The following CCND3 variants were observed in gnomAD, a reference collection of about 807,000 sequenced individuals.
CCND3 encodes the protein cyclin D3.
Under a neutral mutation model 28.7 loss-of-function variants are expected in CCND3, and 9 were observed. That is an observed-to-expected ratio of 0.31 (90% CI 0.19 to 0.55). The LOEUF is 0.55. Ranked by LOEUF, CCND3 falls within the 20% of genes least tolerant of loss-of-function variation. The probability of loss-of-function intolerance (pLI) is 0.93; values close to 1 mark genes in which losing one functional copy is unlikely to be tolerated. For synonymous variants in CCND3, 164 were observed against 163.9 expected, an observed-to-expected ratio of 1.00 and a Z score of 0.00; for missense variants, 315 against 385.8, an observed-to-expected ratio of 0.82 and a Z score of 1.54.
At chr6:42,044,956 C>CTTTTTTTTTTTTT (rs1562002036) in intron 1 of CCND3, among the ~76,000 whole-genome samples, 1 of 123,952 alleles carries the variant, frequency 8.1e-6, no homozygotes, top group African/African-American at 3.1e-5. Flanking sequence ...GCCCGGCTAA[C>CTTTTTTTTTTTTT]GTTTTTTTTT....
intron 1 of CCND3, among the ~76,000 whole-genome samples, chr6:42,016,509 G>A (rs1763517007): frequency 6.6e-6 from 1 of 151,976 alleles, no homozygotes; most frequent in East Asian, 1.9e-4. Context: ...AAGTATTAGT[G>A]AGAAAGTAGA....
intron 1 of CCND3, among the ~76,000 whole-genome samples, chr6:42,035,715 T>C (rs1764184832): frequency 6.7e-6 from 1 of 148,656 alleles, no homozygotes; most frequent in South Asian, 2.1e-4. Context: ...TCTCACTCTG[T>C]CTCCCAGGCC....
At chr6:41,988,751 T>G (rs1054943142) in intron 1 of CCND3, among the ~76,000 whole-genome samples, 69 of 139,954 alleles carry the variant, frequency 4.9e-4, no homozygotes, top group Non-Finnish European at 8.7e-4. Context: ...CAGGCTGGAG[T>G]GCAGTGGCGC....
At position 41,951,351 on chromosome 6, in the gene CCND3, G is replaced by A. The variant is rs554223040; in HGVS notation, c.-45-10766C>T. 1.5e-4 allele frequency among the ~76,000 whole-genome samples: 23 copies of A among 151,690 alleles called. 1 individual carries two copies. In the South Asian group the frequency reaches 3.8e-3, roughly 25 times the overall value. On this transcript the variant is annotated intron_variant, in intron 1 of 4. Transcript: ENST00000372988. ...TGGGTGGATCCGAAGTCAAGAGATC[G>A]AGACCAACCTGGCCAATATGGTGAA...
chr6:42,006,000 CA>C (rs374179259), intron 1 of CCND3, among the ~76,000 whole-genome samples: 15 of 149,750 alleles, frequency 1.0e-4, no homozygotes, highest in East Asian at 9.7e-4. Flanking sequence ...CATTTCTACA[CA>C]AAAAATTTTT....
chr6:42,038,349 C>T (rs538337758), intron 1 of CCND3, among the ~76,000 whole-genome samples: 1 of 151,722 alleles, frequency 6.6e-6, no homozygotes, highest in East Asian at 1.9e-4. Context: ...GACCAGCCTG[C>T]GCAACATGGC....
rs1269898086 is a variant in CCND3 at position 41,953,953 on chromosome 6, A to T, written c.-45-13368T>A. 7.9e-5 allele frequency among the ~76,000 whole-genome samples: 12 copies of T among 151,858 alleles called. 1 individual carries two copies. The highest frequency in any genetic ancestry group is 1.5e-4 in the Non-Finnish European group (10 of 67,908). On this transcript the variant is annotated intron_variant, in intron 1 of 4. Coordinates refer to the CCND3 transcript ENST00000372988. ...TTTGAAAAAAAAATAAATCTCATTTAAAAAAAATTTTTGGTGGCCGGGGGC... is the reference window on the plus strand; with the variant it reads ...TTTGAAAAAAAAATAAATCTCATTTTAAAAAAATTTTTGGTGGCCGGGGGC...
chr6:41,956,277 G>A (rs1020479652), intron 1 of CCND3, among the ~76,000 whole-genome samples: 11 of 152,068 alleles, frequency 7.2e-5, no homozygotes, highest in Non-Finnish European at 1.6e-4. Flanking sequence ...GGGCGACAGA[G>A]CGAGACTCCT....
intron 1 of CCND3, among the ~76,000 whole-genome samples, chr6:42,024,973 G>A (rs1222978995): frequency 1.3e-5 from 2 of 152,112 alleles, no homozygotes; most frequent in East Asian, 1.9e-4. Flanking sequence ...CAGGAGAATC[G>A]CTCGAACCCA....
chr6:42,045,737 A>T (rs2127442853), intron 1 of CCND3, among the ~76,000 whole-genome samples: 1 of 152,360 alleles, frequency 6.6e-6, no homozygotes, highest in African/African-American at 2.4e-5. Flanking sequence ...TAAAATTTAA[A>T]TGTCTTTGAG....
intron 1 of CCND3, among the ~76,000 whole-genome samples, chr6:41,948,929 A>C (rs1407468903): frequency 6.6e-6 from 1 of 152,158 alleles, no homozygotes; most frequent in Non-Finnish European, 1.5e-5. Context: ...GGGTTAAGGG[A>C]GCTGTTGGGG....
rs150696534 is a variant in CCND3 at position 42,000,564 on chromosome 6, C to T, written c.-46+47937G>A. Reference sequence around the variant, plus strand: ...TTTCTAATAACTGGGTGAAACGAATCTTTTTTTTTTTTTTTTTTCTGAGAC... The same window carrying T: ...TTTCTAATAACTGGGTGAAACGAATTTTTTTTTTTTTTTTTTTTCTGAGAC... On this transcript the variant is annotated intron_variant, in intron 1 of 4. Transcript: ENST00000372988. Among the ~76,000 whole-genome samples, 201 of 85,490 alleles carry T rather than the reference C, an allele frequency of 2.4e-3. 6 individuals carry two copies. Among genetic ancestry groups the T allele is most frequent in the African/African-American group, 5.5e-3 (111 of 20,224 alleles). 56.1% of individuals were successfully genotyped at this position (85,490 alleles called of 152,430 possible).
At chr6:42,004,437 A>C (rs1763119847) in intron 1 of CCND3, among the ~76,000 whole-genome samples, 1 of 152,164 alleles carries the variant, frequency 6.6e-6, no homozygotes. Context: ...TATATACAGA[A>C]TAACTCTATT....
At chr6:41,977,498 C>CT (rs201796097) in intron 1 of CCND3, among the ~76,000 whole-genome samples, 1,642 of 152,200 alleles carry the variant, frequency 0.011, 36 homozygotes, top group African/African-American at 0.037. Flanking sequence ...TCCAAAGTAG[C>CT]TGGGATTACA....
At chr6:42,028,495 G>A (rs140011040) in intron 1 of CCND3, among the ~76,000 whole-genome samples, 358 of 152,310 alleles carry the variant, frequency 2.4e-3, no homozygotes, top group African/African-American at 7.3e-3. Context: ...CACGGTCACC[G>A]TTGCCACACT....
At chr6:42,020,363 G>A (rs1330129241) in intron 1 of CCND3, among the ~76,000 whole-genome samples, 4 of 152,276 alleles carry the variant, frequency 2.6e-5, no homozygotes, top group Middle Eastern at 3.4e-3. Flanking sequence ...CCTTCTTGGC[G>A]CCTGCAACTG....
At chr6:42,022,958 G>A (rs905392813) in intron 1 of CCND3, among the ~76,000 whole-genome samples, 1 of 152,198 alleles carries the variant, frequency 6.6e-6, no homozygotes, top group Admixed American at 6.5e-5. Flanking sequence ...TGTGGGGATA[G>A]GACTAAGAGG....
At chr6:42,017,863 A>C (rs1303053711) in intron 1 of CCND3, among the ~76,000 whole-genome samples, 1 of 152,190 alleles carries the variant, frequency 6.6e-6, no homozygotes, top group Non-Finnish European at 1.5e-5. Context: ...TTTAGCAACA[A>C]AATGTGGCCG....
chr6:42,038,449 AG>A (rs1158817610), intron 1 of CCND3, among the ~76,000 whole-genome samples: 3 of 151,928 alleles, frequency 2.0e-5, no homozygotes, highest in Non-Finnish European at 4.4e-5. Context: ...TTGAGGCAGG[AG>A]AACTGCTTGA....
Sources: gnomAD v4.1 joint callset for allele counts (sites outside exome capture counted in the v4.1 genomes callset) on GRCh38, gnomAD v4.1.1 for gene constraint, MANE v1.5 for transcripts, NCBI Gene and HGNC (gene_info 2026-07-23, HGNC 2026-07-21) for gene names.